TMTC1: variants seen among roughly 807,000 people sequenced by gnomAD.
TMTC1 encodes transmembrane O-mannosyltransferase targeting cadherins 1.
TMTC1 carries 73 observed loss-of-function variants against 104.8 expected under a neutral mutation model. The ratio of observed to expected loss-of-function variants is 0.70; its 90% CI spans 0.58 to 0.85. TMTC1 has a LOEUF of 0.85. Ranked by LOEUF, TMTC1 falls within the 40% of genes least tolerant of loss-of-function variation. The pLI is 0.00. For synonymous variants in TMTC1, 434 were observed against 428.7 expected (o/e 1.01, Z -0.15); for missense variants, 1,035 against 1,096.1 (o/e 0.94, Z 0.79).
Position 29,506,886 on chromosome 12 carries a change from T to C in TMTC1, c.2609A>G (p.Glu870Gly). 1 of 1,614,178 alleles carries C rather than the reference T, an allele frequency of 6.2e-7. No homozygotes were observed. The highest frequency in any genetic ancestry group is 8.5e-7 in the Non-Finnish European group (1 of 1,179,994). ...TTCTCGAACTTCTTGTAATCGTTTT[T>C]CTAGGCGATCCAATTTGGCAAGATT... ...KENLAKLDRL[E>G]KRLQEVREKD... Residue 870 changes from glutamate to glycine, a missense_variant, in exon 18 of 18, where the codon GAA becomes GGA. Physicochemically the swap from Glu to Gly is moderately conservative, Grantham distance 98. Transcript: ENST00000539277.
At position 29,606,982 on chromosome 12, in the gene TMTC1, CCT is replaced by C. The variant is rs371573854; in HGVS notation, c.1129-2685_1129-2684del. ...CACAGCCAACCTTCCTGCCCCCCCCCCTCACTCACGGACACCCGTAGTGAGCA... is the reference window on the plus strand; with the variant it reads ...CACAGCCAACCTTCCTGCCCCCCCCCCACTCACGGACACCCGTAGTGAGCA... On this transcript the variant is annotated intron_variant, in intron 6 of 17. Transcript: ENST00000539277. 6.7e-4 allele frequency among the ~76,000 whole-genome samples: 96 copies of C among 143,742 alleles called. 3 individuals carry two copies. Among genetic ancestry groups the C allele is most frequent in the African/African-American group, 1.8e-3 (73 of 39,510 alleles). The allele number at this position is 143,742 out of a possible 152,430, so 94.3% of individuals were successfully genotyped here.
At chr12:29,641,537 G>T (rs992619593) in intron 5 of TMTC1, among the ~76,000 whole-genome samples, 4 of 152,154 alleles carry the variant, frequency 2.6e-5, no homozygotes, top group African/African-American at 9.7e-5. Context: ...CATAGGAAAT[G>T]GGGGAGAGTA....
intron 5 of TMTC1, among the ~76,000 whole-genome samples, chr12:29,727,160 T>TAC (rs1452983192): frequency 6.6e-6 from 1 of 152,226 alleles, no homozygotes; most frequent in African/African-American, 2.4e-5. Flanking sequence ...ATTGAGTCTG[T>TAC]ACTATAGCAC....
At chr12:29,668,617 T>C (rs11050347) in intron 5 of TMTC1, among the ~76,000 whole-genome samples, 39,748 of 151,786 alleles carry the variant, frequency 0.26, 5,762 homozygotes, top group African/African-American at 0.36. Context: ...CATGCCACCA[T>C]GCCTGGCTAA....
In TMTC1 at chr12:29,678,631, G is replaced by A. The variant is rs183299648; in HGVS notation, c.939-45295C>T. Reference sequence around the variant, plus strand: ...AGAAATAAGCTTCTACTGTGTGTGAGCCACTGTTCATGGCTATGGTTATCT... The same window carrying A: ...AGAAATAAGCTTCTACTGTGTGTGAACCACTGTTCATGGCTATGGTTATCT... On this transcript the variant is annotated intron_variant, in intron 5 of 17. Coordinates refer to ENST00000539277, the MANE Select transcript of TMTC1 (RefSeq NM_001193451.2). Among the ~76,000 whole-genome samples, 211 of 152,270 alleles carry A rather than the reference G, an allele frequency of 1.4e-3. 1 individual carries two copies. Among genetic ancestry groups the A allele is most frequent in the Non-Finnish European group, 7.2e-4 (49 of 68,026 alleles).
chr12:29,730,080 C>T (rs1413203338), intron 5 of TMTC1, among the ~76,000 whole-genome samples: 5 of 152,136 alleles, frequency 3.3e-5, no homozygotes, highest in African/African-American at 1.2e-4. Context: ...GACTCTGAGC[C>T]TTTGCAGAAG....
chr12:29,517,645 G>C, intron 13 of TMTC1, 74 bp from the exon 14 acceptor site: 3 of 1,560,382 alleles, frequency 1.9e-6, no homozygotes, highest in Non-Finnish European at 2.6e-6. Flanking sequence ...CTTAGATTTA[G>C]GGAAGACGGT....
At chr12:29,703,257 G>C (rs1198931022) in intron 5 of TMTC1, among the ~76,000 whole-genome samples, 1 of 152,114 alleles carries the variant, frequency 6.6e-6, no homozygotes, top group Non-Finnish European at 1.5e-5. Flanking sequence ...GCATGAAAGA[G>C]TCATGGGAGG....
Position 29,751,691 on chromosome 12 carries a change from G to C in TMTC1, c.913C>G (p.Pro305Ala), listed in dbSNP as rs777300589. The part of the protein sequence containing the change: ...EPKSSGFPVS[P>A]RAVWSMMRFL... ...CTCATCATGGACCACACAGCTCGTG[G>C]GGACACTGGGAATCCACTGCTCTTG... The change falls in exon 5 of 18, where the codon CCA (proline) becomes GCA (alanine). Residue 305 changes from proline (P) to alanine (A), a missense_variant. Transcript: ENST00000539277. 12 of 1,613,974 alleles carry C rather than the reference G, an allele frequency of 7.4e-6. No homozygotes were observed. Among genetic ancestry groups the C allele is most frequent in the Non-Finnish European group, 1.0e-5 (12 of 1,180,032 alleles).
chr12:29,731,244 C>T lies in TMTC1; in HGVS notation c.938+20422G>A, dbSNP rs562126600. Among the ~76,000 whole-genome samples, 4 of 152,274 alleles carry T rather than the reference C, an allele frequency of 2.6e-5. No individual in the cohort carries two copies. The East Asian group carries it at 5.8e-4, about 22-fold the overall frequency. On this transcript the variant is annotated intron_variant, in intron 5 of 17. Transcript: ENST00000539277. ...CAATCTAGGCTCACTGCAACCTCCG[C>T]CTCCTGGATTCAAGTGATTCTCCTA...
At chr12:29,658,778 C>A (rs919460626) in intron 5 of TMTC1, 11 of 176,496 alleles carry the variant, frequency 6.2e-5, no homozygotes, top group Admixed American at 4.1e-4. Flanking sequence ...TGCCTCTCCT[C>A]TTTTTCTTTG....
chr12:29,751,695 C>T lies in TMTC1; in HGVS notation c.909G>A (p.Val303=), dbSNP rs770597765. 6.2e-7 allele frequency: 1 copy of T among 1,614,122 alleles called. No homozygotes were observed. ...PPEPKSSGFP[V]SPRAVWSMMR... is the part of the protein sequence containing the mutation. ...TCATGGACCACACAGCTCGTGGGGA[C>T]ACTGGGAATCCACTGCTCTTGGGTT... Residue 303 remains valine, a synonymous_variant, in exon 5 of 18, where the codon GTG becomes GTA. Transcript: ENST00000539277.
chr12:29,657,592 T>C (rs1591876467), intron 5 of TMTC1, among the ~76,000 whole-genome samples: 1 of 152,118 alleles, frequency 6.6e-6, no homozygotes, highest in Admixed American at 6.5e-5. Context: ...TACAAACACG[T>C]TGGAAGTAAT....
At position 29,705,285 on chromosome 12, in the gene TMTC1, G is replaced by A. The variant is rs575133460; in HGVS notation, c.938+46381C>T. Among the ~76,000 whole-genome samples, 149 of 152,336 alleles carry A rather than the reference G, an allele frequency of 9.8e-4. 1 individual carries two copies. The highest frequency in any genetic ancestry group is 1.5e-3 in the Non-Finnish European group (101 of 68,034). Reference sequence around the variant, plus strand: ...ACTCTTCTCTAGTCATCAGTTTCTAGTGTAAGAGACTAGAATATGCTACTC... The same window carrying A: ...ACTCTTCTCTAGTCATCAGTTTCTAATGTAAGAGACTAGAATATGCTACTC... On this transcript the variant is annotated intron_variant, in intron 5 of 17. Transcript: ENST00000539277.
rs1943688376 is a variant in TMTC1, at chr12:29,506,080, G to A, written c.*766C>T. 1 of 151,874 alleles carries A rather than the reference G, an allele frequency of 6.6e-6. No homozygotes were observed. The highest frequency in any genetic ancestry group is 1.5e-5 in the Non-Finnish European group (1 of 67,968). The allele number at this position is 151,874 out of a possible 1,614,324, so 9.4% of individuals were successfully genotyped here. A position where few individuals can be genotyped will look rare whatever the true frequency, so the allele number is the denominator to read the frequency against. On this transcript the variant is annotated 3_prime_UTR_variant, in exon 18 of 18. Coordinates refer to ENST00000539277, the MANE Select transcript of TMTC1 (RefSeq NM_001193451.2). ...GGCGGGAACATGTATGATTTTAAAT[G>A]CACTTTTGAAATCTTAGAGTAGAAC...
At chr12:29,507,084 C>T (rs2136123488) in intron 17 of TMTC1, 98 bp from the exon 18 acceptor site, 4 of 988,126 alleles carry the variant, frequency 4.0e-6, no homozygotes, top group Non-Finnish European at 4.7e-6. Flanking sequence ...CCCAGTTTTA[C>T]ATTAATGTTC....
At chr12:29,656,936 T>C (rs1939787105) in intron 5 of TMTC1, among the ~76,000 whole-genome samples, 1 of 152,172 alleles carries the variant, frequency 6.6e-6, no homozygotes, top group Non-Finnish European at 1.5e-5. Flanking sequence ...AGGACAGCTG[T>C]GAGTCAGATA....
At chr12:29,743,780 T>A (rs1942884794) in intron 5 of TMTC1, among the ~76,000 whole-genome samples, 1 of 152,000 alleles carries the variant, frequency 6.6e-6, no homozygotes, top group Non-Finnish European at 1.5e-5. Context: ...CCACAATCTA[T>A]CAGTAGGTTA....
Position 29,633,268 on chromosome 12 carries a change from T to TA in TMTC1, c.1006dup (p.Tyr336LeufsTer2). On this transcript the variant is annotated frameshift_variant, in exon 6 of 18. Transcript: ENST00000539277. LOFTEE classifies it high-confidence loss of function. ...AGGAATACTGCCGACCTGCCAGTCA[T>TA]AGCACAGGGTCACGGGTGCAAGCAG... is the stretch of plus-strand genomic sequence containing the variant. 2 of 1,613,920 alleles carry TA rather than the reference T, an allele frequency of 1.2e-6. No individual in the cohort carries two copies. The highest frequency in any genetic ancestry group is 1.7e-6 in the Non-Finnish European group (2 of 1,179,970).
Sources: gnomAD v4.1 joint callset for allele counts (sites outside exome capture counted in the v4.1 genomes callset) on GRCh38, gnomAD v4.1.1 for gene constraint, MANE v1.5 for transcripts, NCBI Gene and HGNC (gene_info 2026-07-23, HGNC 2026-07-21) for gene names.